Variants in TMC3 observed in about 807,000 individuals in gnomAD.
TMC3 encodes transmembrane channel like 3.
TMC3 carries 98 observed loss-of-function variants against 110.6 expected under a neutral mutation model. That is an observed-to-expected ratio of 0.89 (90% CI 0.75 to 1.05). TMC3 has a LOEUF of 1.05. TMC3 is among the 50% of genes least tolerant of loss of function. The pLI is 0.00. For missense variants in TMC3, 1,319 were observed against 1,373.2 expected, an observed-to-expected ratio of 0.96 and a Z score of 0.62; for synonymous variants, 489 against 513.1, an observed-to-expected ratio of 0.95 and a Z score of 0.63.
At chr15:81,362,934 G>C (rs1203530449) in intron 3 of TMC3, among the ~76,000 whole-genome samples, 2 of 152,184 alleles carry the variant, frequency 1.3e-5, no homozygotes, top group Admixed American at 6.5e-5. Flanking sequence ...TTCCTGGATA[G>C]AGCTGTCAGG....
Position 81,332,629 on chromosome 15 carries a change from C to T in TMC3, c.3093G>A (p.Lys1031=), listed in dbSNP as rs1211349348. Residue 1031 remains lysine (K), a synonymous_variant, in exon 22 of 22, where the codon AAG becomes AAA. Coordinates refer to ENST00000359440, the MANE Select transcript of TMC3 (RefSeq NM_001080532.3). ...YPQPPLKPRG[K]PRFEPSLTES... ...CCGTGAGGGATGGCTCGAACCTGGG[C>T]TTCCCTCTGGGCTTCAGAGGGGGCT... 17 of 1,613,874 alleles carry T rather than the reference C, an allele frequency of 1.1e-5. No individual in the cohort carries two copies. The Admixed American group carries it at 2.0e-4, about 19-fold the overall frequency.
In TMC3 at chr15:81,341,439, C is replaced by T; in HGVS notation, c.1795G>A (p.Ala599Thr). The T allele has an allele frequency of 6.2e-7, 1 of 1,611,704 alleles. No homozygotes were observed. Among genetic ancestry groups the T allele is most frequent in the Non-Finnish European group, 8.5e-7 (1 of 1,178,870 alleles). ...LIGLMYLRSW[A>T]VLTCNVPHQQ... Reference sequence around the variant, plus strand: ...TGGGGCACATTGCAGGTCAGCACAGCCCAGCTTCTCAGGTACATGAGCCCA... The same window carrying T: ...TGGGGCACATTGCAGGTCAGCACAGTCCAGCTTCTCAGGTACATGAGCCCA... The change falls in exon 16 of 22, where the codon GCT becomes ACT. Residue 599 changes from alanine (A) to threonine (T), a missense_variant. Transcript: ENST00000359440.
chr15:81,368,119 G>C (rs1246807038), intron 3 of TMC3, 134 bp downstream of exon 3: 4 of 614,140 alleles, frequency 6.5e-6, no homozygotes, highest in African/African-American at 1.9e-5. Context: ...ATTTTTAGTA[G>C]AGATGGGGTT....
chr15:81,333,792 C>T (rs1893528819), intron 21 of TMC3, among the ~76,000 whole-genome samples: 1 of 152,104 alleles, frequency 6.6e-6, no homozygotes, highest in African/African-American at 2.4e-5. Flanking sequence ...AGTTTGAGAC[C>T]AGCCTGGCCA....
In TMC3 at chr15:81,362,267, A is replaced by T. The variant is rs772102444; in HGVS notation, c.347T>A (p.Phe116Tyr). The T allele has an allele frequency of 4.3e-6, 7 of 1,612,768 alleles. No individual in the cohort carries two copies. The highest frequency in any genetic ancestry group is 5.9e-6 in the Non-Finnish European group (7 of 1,179,290). The change falls in exon 4 of 22, where the codon TTT becomes TAT. Residue 116 changes from phenylalanine to tyrosine, a missense_variant. Coordinates refer to ENST00000359440, the MANE Select transcript of TMC3 (RefSeq NM_001080532.3). Reference sequence around the variant, plus strand: ...TTCCCAGGGAATGAAGATGACCACAAAGTTACAGGCGAGACGAGCAAATTT... The same window carrying T: ...TTCCCAGGGAATGAAGATGACCACATAGTTACAGGCGAGACGAGCAAATTT... ...WRKFARLACN[F>Y]VVIFIPWEMR...
At position 81,374,130 on chromosome 15, in the gene TMC3, G is replaced by T; in HGVS notation, c.-53C>A. 6.6e-7 allele frequency: 1 copy of T among 1,521,396 alleles called. No homozygotes were observed. Among genetic ancestry groups the T allele is most frequent in the South Asian group, 1.1e-5 (1 of 86,960 alleles). The allele number at this position is 1,521,396 out of a possible 1,614,324, so 94.2% of individuals were successfully genotyped here. On this transcript the variant is annotated 5_prime_UTR_variant, in exon 1 of 22. Transcript: ENST00000359440. ...AAGCTGGCCAGAGAGCTAGGAAGTT[G>T]GCAGGCAAAGGTCTGTTCCGAGGTT...
chr15:81,365,583 A>C (rs1894293473), intron 3 of TMC3, among the ~76,000 whole-genome samples: 1 of 151,440 alleles, frequency 6.6e-6, no homozygotes, highest in Non-Finnish European at 1.5e-5. Context: ...AGACAGGAGA[A>C]TCCCTTGAAC....
intron 2 of TMC3, among the ~76,000 whole-genome samples, chr15:81,370,165 C>T (rs980544594): frequency 4.6e-5 from 7 of 152,202 alleles, no homozygotes; most frequent in African/African-American, 1.7e-4. Flanking sequence ...GGGAAACAAG[C>T]ATGTCCTATA....
At position 81,355,723 on chromosome 15, in the gene TMC3, A is replaced by T; in HGVS notation, c.935+2T>A. 6.3e-7 allele frequency: 1 copy of T among 1,593,684 alleles called. No individual in the cohort carries two copies. The highest frequency in any genetic ancestry group is 8.6e-7 in the Non-Finnish European group (1 of 1,165,466). On this transcript the variant is annotated splice_donor_variant, in intron 9 of 21. Transcript: ENST00000359440. LOFTEE classifies it high-confidence loss of function. Reference sequence around the variant, plus strand: ...TTCAGCATGGGGAGTAATAATACCTACAGGTTTTTGCTTTTCTTTTTCTCC... The same window carrying T: ...TTCAGCATGGGGAGTAATAATACCTTCAGGTTTTTGCTTTTCTTTTTCTCC...
chr15:81,343,396 A>G, intron 14 of TMC3, 51 bp from the exon 15 acceptor site: 2 of 1,266,822 alleles, frequency 1.6e-6, no homozygotes, highest in South Asian at 2.4e-5. Flanking sequence ...AGTTCTTTGC[A>G]TGAACCAATT....
At chr15:81,354,697 G>T (rs965934368) in intron 9 of TMC3, among the ~76,000 whole-genome samples, 2 of 152,132 alleles carry the variant, frequency 1.3e-5, no homozygotes, top group African/African-American at 4.8e-5. Flanking sequence ...GGCACCCAAG[G>T]TATACTATCT....
chr15:81,368,488 C>T (rs1330255264), intron 2 of TMC3, among the ~76,000 whole-genome samples, 160 bp from the exon 3 acceptor site: 1 of 147,738 alleles, frequency 6.8e-6, no homozygotes, highest in Non-Finnish European at 1.5e-5. Context: ...ACTTCATGGT[C>T]TAATTTTTGG....
chr15:81,333,308 G>A, intron 21 of TMC3, 46 bp from the exon 22 acceptor site: 2 of 1,563,586 alleles, frequency 1.3e-6, no homozygotes, highest in Non-Finnish European at 8.7e-7. Flanking sequence ...GGTGGTCTCA[G>A]AGCCCCACAC....
chr15:81,366,990 TATAAATCATCAAGGCTTTTAGAA>T (rs1246900589), intron 3 of TMC3, among the ~76,000 whole-genome samples: 4 of 152,176 alleles, frequency 2.6e-5, no homozygotes, highest in African/African-American at 9.6e-5. Flanking sequence ...ATAATGGCGA[TATAAATCATCAAGGCTTTTAGAA>T]AATAATCTTT....
chr15:81,365,942 ATGT>A (rs745729537), intron 3 of TMC3, among the ~76,000 whole-genome samples: 15 of 152,302 alleles, frequency 9.8e-5, no homozygotes, highest in African/African-American at 2.6e-4. Context: ...ACTATCATAC[ATGT>A]TGTTAGATAT....
chr15:81,352,018 A>G (rs990269463), intron 9 of TMC3, among the ~76,000 whole-genome samples, 177 bp from the exon 10 acceptor site: 4 of 152,218 alleles, frequency 2.6e-5, no homozygotes, highest in African/African-American at 9.6e-5. Context: ...CTCATTTTCT[A>G]AGAGATCAAC....
intron 14 of TMC3, 122 bp downstream of exon 14, chr15:81,343,795 C>G (rs1248082757): frequency 2.7e-6 from 3 of 1,107,330 alleles, no homozygotes; most frequent in Non-Finnish European, 3.7e-6. Flanking sequence ...CCCATCTCTT[C>G]CCACTTGTAT....
rs527551871 is a variant in TMC3, at chr15:81,343,557, A to C, written c.1648-212T>G. Among the ~76,000 whole-genome samples, 4 of 152,098 alleles carry C rather than the reference A, an allele frequency of 2.6e-5. No individual in the cohort carries two copies. In the East Asian group the frequency reaches 7.7e-4, roughly 29 times the overall value. Reference sequence around the variant, plus strand: ...GTAATCCCAGCACTTCGGGAGGCTGAGCAGGAGGATCACTTGTAGTCAGGA... The same window carrying C: ...GTAATCCCAGCACTTCGGGAGGCTGCGCAGGAGGATCACTTGTAGTCAGGA... On this transcript the variant is annotated intron_variant, in intron 14 of 21. Transcript: ENST00000359440.
chr15:81,341,588 C>T, intron 15 of TMC3, 70 bp from the exon 16 acceptor site: 1 of 1,507,844 alleles, frequency 6.6e-7, no homozygotes, highest in South Asian at 1.2e-5. Flanking sequence ...ATGGAAGCCC[C>T]ATGCAGGAAC....
Sources: gnomAD v4.1 joint callset for allele counts (sites outside exome capture counted in the v4.1 genomes callset) on GRCh38, gnomAD v4.1.1 for gene constraint, MANE v1.5 for transcripts, NCBI Gene and HGNC (gene_info 2026-07-23, HGNC 2026-07-21) for gene names.